The following MAP3K7CL variants were observed in gnomAD, a reference collection of about 807,000 sequenced individuals.
The protein encoded by MAP3K7CL is MAP3K7 C-terminal like, also known as MAP3K7 C-terminal-like protein.
Under a neutral mutation model 18.6 loss-of-function variants are expected in MAP3K7CL, and 16 were observed. The ratio of observed to expected loss-of-function variants is 0.86; its 90% CI spans 0.58 to 1.31. The LOEUF is 1.31. Ranked by LOEUF, MAP3K7CL falls within the 50% of genes most tolerant of loss-of-function variation. The pLI, the probability that MAP3K7CL is intolerant of heterozygous loss-of-function variation, is 0.00. For synonymous variants in MAP3K7CL, 65 were observed against 66.8 expected, an observed-to-expected ratio of 0.97 and a Z score of 0.13; for missense variants, 163 against 174.4, an observed-to-expected ratio of 0.93 and a Z score of 0.37.
intron 4 of MAP3K7CL, among the ~76,000 whole-genome samples, chr21:29,161,246 G>A (rs903189148): frequency 2.6e-5 from 4 of 152,156 alleles, no homozygotes; most frequent in African/African-American, 9.7e-5. Context: ...GGAGGCAGAG[G>A]TTGCAGTGAG....
At chr21:29,109,967 T>C (rs1391206596) in intron 4 of MAP3K7CL, among the ~76,000 whole-genome samples, 1 of 152,188 alleles carries the variant, frequency 6.6e-6, no homozygotes, top group Non-Finnish European at 1.5e-5. Flanking sequence ...CAACAAGAGA[T>C]GTTATCTATT....
At chr21:29,097,976 A>G (rs2086152452) in intron 4 of MAP3K7CL, among the ~76,000 whole-genome samples, 1 of 152,158 alleles carries the variant, frequency 6.6e-6, no homozygotes, top group Non-Finnish European at 1.5e-5. Flanking sequence ...TAGGTTGTAT[A>G]TTACCTAGAT....
At chr21:29,094,079 A>G (rs2086077949) in intron 4 of MAP3K7CL, among the ~76,000 whole-genome samples, 1 of 152,224 alleles carries the variant, frequency 6.6e-6, no homozygotes, top group South Asian at 2.1e-4. Context: ...GGTCATAGTA[A>G]TTACTCTAGG....
intron 3 of MAP3K7CL, among the ~76,000 whole-genome samples, chr21:29,150,041 C>T (rs2146689101): frequency 6.6e-6 from 1 of 152,214 alleles, no homozygotes; most frequent in Non-Finnish European, 1.5e-5. Context: ...ACTTTTTTCT[C>T]CTAAATATTG....
chr21:29,080,321 C>G (rs953841744), intron 1 of MAP3K7CL, among the ~76,000 whole-genome samples: 3 of 152,194 alleles, frequency 2.0e-5, no homozygotes, highest in Non-Finnish European at 4.4e-5. Context: ...CAATTAGATA[C>G]TTTCATGTGA....
rs73897291 is a variant in MAP3K7CL at position 29,175,232 on chromosome 21, G to A, written c.*340G>A. 4,592 of 168,554 alleles carry A rather than the reference G, an allele frequency of 0.027. 223 individuals are homozygous for A. The highest frequency in any genetic ancestry group is 0.1 in the African/African-American group (4,237 of 41,996). 10.4% of individuals were successfully genotyped at this position (168,554 alleles called of 1,614,324 possible). On this transcript the variant is annotated 3_prime_UTR_variant, in exon 5 of 5. Transcript: ENST00000399928. ...CTATTGACTGACCCAGCTAAGAATC[G>A]TGGGCTGAGCAGAGTTAAACCATGG... is the stretch of plus-strand genomic sequence containing the variant.
At chr21:29,091,513 T>A in exon 2 of MAP3K7CL, 1 of 699,260 alleles carries the variant, frequency 1.4e-6, no homozygotes, top group Non-Finnish European at 2.6e-6. Flanking sequence ...CCTTGCTCTG[T>A]CACGCAGGCT....
At chr21:29,142,908 A>G (rs993654546) in intron 2 of MAP3K7CL, among the ~76,000 whole-genome samples, 3 of 152,200 alleles carry the variant, frequency 2.0e-5, no homozygotes, top group Non-Finnish European at 2.9e-5. Context: ...TCTGTGTCCT[A>G]CTGAACGTTG....
At chr21:29,133,482 C>T in intron 2 of MAP3K7CL, 68 bp downstream of exon 2, 1 of 1,218,948 alleles carries the variant, frequency 8.2e-7, no homozygotes, top group Non-Finnish European at 1.1e-6. Flanking sequence ...TTTCTAATGC[C>T]ACGCCTCTGT....
intron 3 of MAP3K7CL, among the ~76,000 whole-genome samples, chr21:29,154,021 G>A (rs1477986526): frequency 6.6e-6 from 1 of 152,168 alleles, no homozygotes. Flanking sequence ...CAAGGCATGG[G>A]CATTAGCATT....
At position 29,090,358 on chromosome 21, in the gene MAP3K7CL, T is replaced by C. The variant is rs570182036; in HGVS notation, c.58-1143T>C. Among the ~76,000 whole-genome samples the C allele has an allele frequency of 3.9e-5, 6 of 152,132 alleles. No individual in the cohort carries two copies. In the South Asian group the frequency reaches 1.2e-3, roughly 32 times the overall value. On this transcript the variant is annotated intron_variant, in intron 1 of 6. Transcript: ENST00000286791. Reference sequence around the variant, plus strand: ...TACGTAAAAGGCGTAGGGAATGCAATCTCTATTAGCTTCTTTGTTTTGTTT... The same window carrying C: ...TACGTAAAAGGCGTAGGGAATGCAACCTCTATTAGCTTCTTTGTTTTGTTT...
At chr21:29,100,748 T>C (rs2086214532) in intron 4 of MAP3K7CL, among the ~76,000 whole-genome samples, 2 of 143,878 alleles carry the variant, frequency 1.4e-5, no homozygotes, top group Non-Finnish European at 3.0e-5. Context: ...CTCTCACTCT[T>C]GTCACCCAGG....
At chr21:29,086,091 G>A (rs1006402649) in intron 1 of MAP3K7CL, among the ~76,000 whole-genome samples, 2 of 152,122 alleles carry the variant, frequency 1.3e-5, no homozygotes, top group East Asian at 3.9e-4. Context: ...ATTTGTTAAG[G>A]TGCTGATTGA....
At chr21:29,127,358 A>T (rs1359033329), upstream of MAP3K7CL, among the ~76,000 whole-genome samples, 1 of 152,240 alleles carries the variant, frequency 6.6e-6, no homozygotes, top group Non-Finnish European at 1.5e-5. Flanking sequence ...TTATATATTG[A>T]TGCAGAAACA....
At chr21:29,120,690 CTGTT>C (rs1332653966) in intron 4 of MAP3K7CL, among the ~76,000 whole-genome samples, 1 of 137,358 alleles carries the variant, frequency 7.3e-6, no homozygotes, top group African/African-American at 2.7e-5. Context: ...TTCTTTCTTT[CTGTT>C]TCTTTCTTTC....
chr21:29,119,333 CTCA>C (rs1268605896), intron 4 of MAP3K7CL, among the ~76,000 whole-genome samples: 6 of 152,202 alleles, frequency 3.9e-5, no homozygotes, highest in African/African-American at 1.4e-4. Context: ...ATTCCATGTA[CTCA>C]TCACTAATTC....
At chr21:29,114,460 G>C (rs1394683995) in intron 4 of MAP3K7CL, among the ~76,000 whole-genome samples, 1 of 152,040 alleles carries the variant, frequency 6.6e-6, no homozygotes, top group South Asian at 2.1e-4. Context: ...GTGCAATCAC[G>C]GCTCACTGCA....
intron 2 of MAP3K7CL, among the ~76,000 whole-genome samples, chr21:29,138,832 A>G (rs2086940301): frequency 6.6e-6 from 1 of 152,152 alleles, no homozygotes. Context: ...TCAAAAAATA[A>G]GCCAGGTGTG....
chr21:29,081,915 A>C (rs1226728768), upstream of MAP3K7CL, among the ~76,000 whole-genome samples: 5 of 152,228 alleles, frequency 3.3e-5, no homozygotes, highest in Non-Finnish European at 5.9e-5. Context: ...TTCTGTGCAT[A>C]GGAACCAGTT....
Sources: allele counts gnomAD v4.1 joint callset (sites outside exome capture counted in the v4.1 genomes callset), GRCh38; gene constraint gnomAD v4.1.1; transcripts MANE v1.5; gene names NCBI Gene and HGNC (gene_info 2026-07-23, HGNC 2026-07-21).